TRIM24: variants seen among roughly 807,000 people sequenced by gnomAD.
The protein encoded by TRIM24 is transcription intermediary factor 1-alpha.
TRIM24 carries 29 observed loss-of-function variants against 123.9 expected under a neutral mutation model. That is an observed-to-expected ratio of 0.23 (90% confidence interval 0.17 to 0.32). The LOEUF is 0.32. TRIM24 is among the 10% of genes least tolerant of loss of function. The pLI, the probability that TRIM24 is intolerant of heterozygous loss-of-function variation, is 1.00. For missense variants in TRIM24, 932 were observed against 1,295.3 expected (o/e 0.72, Z 4.31); for synonymous variants, 456 against 461.1 (o/e 0.99, Z 0.14).
chr7:138,460,971 C>T (rs949022853), intron 1 of TRIM24, 59 bp downstream of exon 1: 22 of 1,345,692 alleles, frequency 1.6e-5, no homozygotes, highest in Non-Finnish European at 2.1e-5. Flanking sequence ...GGGGCGGGCG[C>T]CCTTGTGCGG....
chr7:138,571,098 G>A (rs1300879718), intron 11 of TRIM24, 95 bp downstream of exon 11: 2 of 1,278,118 alleles, frequency 1.6e-6, no homozygotes, highest in Non-Finnish European at 2.2e-6. Context: ...GGGAGGCTGA[G>A]GCAGACAGAT....
At chr7:138,547,090 C>T (rs887392431) in intron 7 of TRIM24, among the ~76,000 whole-genome samples, 3 of 152,164 alleles carry the variant, frequency 2.0e-5, no homozygotes, top group African/African-American at 7.2e-5. Flanking sequence ...CAATGGAATA[C>T]TATTAAGCTT....
intron 6 of TRIM24, among the ~76,000 whole-genome samples, chr7:138,533,474 A>G (rs1796793373): frequency 6.6e-6 from 1 of 152,184 alleles, no homozygotes; most frequent in African/African-American, 2.4e-5. Flanking sequence ...TGAGATAATC[A>G]TGTAGTTTTT....
At chr7:138,465,170 A>G (rs979681086) in intron 1 of TRIM24, among the ~76,000 whole-genome samples, 4 of 152,234 alleles carry the variant, frequency 2.6e-5, no homozygotes, top group African/African-American at 9.6e-5. Context: ...CATTGAGAAC[A>G]TTTGTTTTAA....
chr7:138,482,059 TTCTC>T (rs1282514099), intron 1 of TRIM24, among the ~76,000 whole-genome samples: 1 of 152,200 alleles, frequency 6.6e-6, no homozygotes, highest in Admixed American at 6.5e-5. Context: ...TGATTTCTCT[TTCTC>T]AGGCAGTTTT....
At chr7:138,528,371 G>A (rs1421185081) in intron 5 of TRIM24, among the ~76,000 whole-genome samples, 1 of 152,156 alleles carries the variant, frequency 6.6e-6, no homozygotes, top group Non-Finnish European at 1.5e-5. Context: ...AGTCTTCAGA[G>A]CACATTCCTT....
At chr7:138,572,425 G>C (rs528983295) in intron 11 of TRIM24, among the ~76,000 whole-genome samples, 7 of 127,954 alleles carry the variant, frequency 5.5e-5, no homozygotes, top group Non-Finnish European at 1.2e-4. Context: ...TTAACCACCT[G>C]GCCCGATTTC....
At chr7:138,566,238 A>C (rs932622318) in intron 9 of TRIM24, among the ~76,000 whole-genome samples, 5 of 152,120 alleles carry the variant, frequency 3.3e-5, no homozygotes, top group African/African-American at 1.2e-4. Context: ...TTTTCTGGCC[A>C]GGCACAGTGG....
intron 7 of TRIM24, among the ~76,000 whole-genome samples, chr7:138,547,157 A>G (rs1797118241): frequency 6.6e-6 from 1 of 152,228 alleles, no homozygotes; most frequent in Non-Finnish European, 1.5e-5. Flanking sequence ...GGAGGACATT[A>G]TATTTACTTC....
intron 7 of TRIM24, among the ~76,000 whole-genome samples, chr7:138,541,447 TA>T (rs892003102): frequency 2.0e-5 from 3 of 152,238 alleles, no homozygotes; most frequent in Admixed American, 6.5e-5. Flanking sequence ...AGTAATATTT[TA>T]AAATCCTTTA....
At chr7:138,563,587 G>C (rs1176943290) in intron 9 of TRIM24, among the ~76,000 whole-genome samples, 5 of 152,072 alleles carry the variant, frequency 3.3e-5, no homozygotes, top group Non-Finnish European at 5.9e-5. Context: ...CTATAAGTTG[G>C]GTGGCATTCA....
chr7:138,478,238 C>A (rs893762148), intron 1 of TRIM24, among the ~76,000 whole-genome samples: 1 of 151,928 alleles, frequency 6.6e-6, no homozygotes, highest in Non-Finnish European at 1.5e-5. Context: ...GACAGGTAAG[C>A]CTTGTGGTTT....
chr7:138,464,489 G>A (rs966971743), intron 1 of TRIM24, among the ~76,000 whole-genome samples: 4 of 151,884 alleles, frequency 2.6e-5, no homozygotes, highest in Non-Finnish European at 5.9e-5. Context: ...GTACAAGCAG[G>A]GGGGCAGACT....
Position 138,529,123 on chromosome 7 carries a change from G to T in TRIM24, c.889G>T (p.Glu297Ter). ...TGNQIQNRII[E>*]VNQNQKQVEQ... Reference sequence around the variant, plus strand: ...CCCCGTTTTAATTTTCAGAATTATTGAAGTAAATCAAAATCAAAAGCAGGT... The same window carrying T: ...CCCCGTTTTAATTTTCAGAATTATTTAAGTAAATCAAAATCAAAAGCAGGT... Residue 297 changes from glutamate to a stop codon, truncating the protein, a stop_gained, in exon 6 of 19, where the codon GAA becomes TAA. Coordinates refer to ENST00000343526, the MANE Select transcript of TRIM24 (RefSeq NM_015905.3). LOFTEE classifies it high-confidence loss of function. 1 of 1,528,142 alleles carries T rather than the reference G, an allele frequency of 6.5e-7. No homozygotes were observed. The highest frequency in any genetic ancestry group is 8.8e-7 in the Non-Finnish European group (1 of 1,135,742). The allele number at this position is 1,528,142 out of a possible 1,614,324, so 94.7% of individuals were successfully genotyped here.
chr7:138,568,379 C>CTCTTTTT (rs1797579990), intron 10 of TRIM24, among the ~76,000 whole-genome samples: 1 of 68,682 alleles, frequency 1.5e-5, no homozygotes, highest in Admixed American at 2.5e-4. Flanking sequence ...ACCTGGCCTC[C>CTCTTTTT]TTTTTTTTTT....
At chr7:138,517,002 T>C (rs1279938609) in intron 3 of TRIM24, among the ~76,000 whole-genome samples, 1 of 151,010 alleles carries the variant, frequency 6.6e-6, no homozygotes, top group Non-Finnish European at 1.5e-5. Context: ...ACCTGGGAGG[T>C]GAGATGGTGG....
At chr7:138,517,453 C>T (rs565486056) in intron 3 of TRIM24, among the ~76,000 whole-genome samples, 4 of 152,168 alleles carry the variant, frequency 2.6e-5, no homozygotes, top group African/African-American at 7.2e-5. Flanking sequence ...TCACTGCAAG[C>T]GCCACCTCCT....
chr7:138,546,629 G>C (rs1407339744), intron 7 of TRIM24, among the ~76,000 whole-genome samples: 3 of 152,212 alleles, frequency 2.0e-5, no homozygotes, highest in Non-Finnish European at 2.9e-5. Flanking sequence ...TGTAGGAGCA[G>C]TTGGGTGGGC....
intron 7 of TRIM24, among the ~76,000 whole-genome samples, chr7:138,540,378 G>A (rs573010862): frequency 4.0e-5 from 6 of 151,172 alleles, no homozygotes; most frequent in Non-Finnish European, 7.4e-5. Context: ...CAGTAGCTGC[G>A]GTATCACCTA....
Sources: gnomAD v4.1 joint callset for allele counts (sites outside exome capture counted in the v4.1 genomes callset) on GRCh38, gnomAD v4.1.1 for gene constraint, MANE v1.5 for transcripts, NCBI Gene and HGNC (gene_info 2026-07-23, HGNC 2026-07-21) for gene names.